IL5RA: variants seen among roughly 807,000 people sequenced by gnomAD.
IL5RA encodes interleukin-5 receptor subunit alpha.
A neutral mutation model predicts 50.0 loss-of-function variants in IL5RA; 49 were observed. The observed-to-expected ratio is 0.98, with a 90% confidence interval of 0.78 to 1.24. The LOEUF (loss-of-function observed/expected upper bound fraction) is 1.24. IL5RA is among the 50% of genes most tolerant of loss of function. The pLI, the probability that IL5RA is intolerant of heterozygous loss-of-function variation, is 0.00. For missense variants in IL5RA, 600 were observed against 500.4 expected, an observed-to-expected ratio of 1.20 and a Z score of -1.90; for synonymous variants, 202 against 174.0, an observed-to-expected ratio of 1.16 and a Z score of -1.26.
intron 9 of IL5RA, chr3:3,091,676 A>G (rs4054764): frequency 0.092 from 13,949 of 152,438 alleles, 893 homozygotes; most frequent in East Asian, 0.27. Context: ...AGGTTGCAGT[A>G]AGCTGAGATG....
chr3:3,075,090 G>T (rs539647332), intron 10 of IL5RA, among the ~76,000 whole-genome samples: 1 of 151,960 alleles, frequency 6.6e-6, no homozygotes, highest in East Asian at 1.9e-4. Context: ...AAACTGCTTT[G>T]TGTCAGTGGG....
intron 9 of IL5RA, chr3:3,090,220 A>G (rs1412686789): frequency 1.4e-5 from 23 of 1,610,332 alleles, no homozygotes; most frequent in Non-Finnish European, 2.0e-5. Flanking sequence ...GGTGTGGGGC[A>G]GGAAAGCTGG....
At chr3:3,076,967 C>T (rs779009775) in intron 9 of IL5RA, among the ~76,000 whole-genome samples, 1 of 152,070 alleles carries the variant, frequency 6.6e-6, no homozygotes, top group Non-Finnish European at 1.5e-5. Context: ...GTTTTTGGTA[C>T]GTAGTAAGGT....
rs1364830802 is a variant in IL5RA at position 3,067,052 on chromosome 3, C to T, written c.*3173G>A. 1.3e-5 allele frequency: 2 copies of T among 152,270 alleles called. No homozygotes were observed. Among genetic ancestry groups the T allele is most frequent in the Non-Finnish European group, 2.9e-5 (2 of 68,076 alleles). The allele number at this position is 152,270 out of a possible 1,614,324, so 9.4% of individuals were successfully genotyped here. A position where few individuals can be genotyped will look rare whatever the true frequency, so the allele number is the denominator to read the frequency against. On this transcript the variant is annotated 3_prime_UTR_variant, in exon 12 of 12. Transcript: ENST00000446632. ...CATGACTTTACCTTACATCAACCTGCTGCTGATGGTGTTTACTGTTAAGTG... is the reference window on the plus strand; with the variant it reads ...CATGACTTTACCTTACATCAACCTGTTGCTGATGGTGTTTACTGTTAAGTG...
rs1179288223 is a variant in IL5RA, at chr3:3,097,909, TAGC to T, written c.667_669del (p.Ala223del). On this transcript the variant is annotated inframe_deletion, in exon 7 of 12. Transcript: ENST00000446632. ...GCAAACAGCTGATCAAAGGGCCTGA[TAGC>T]AGAGTGCTTGCTGGAGCCGTTAACA... The T allele has an allele frequency of 6.2e-7, 1 of 1,614,090 alleles. No homozygotes were observed. The highest frequency in any genetic ancestry group is 8.5e-7 in the Non-Finnish European group (1 of 1,180,038).
At chr3:3,082,267 G>A (rs1328209627) in intron 9 of IL5RA, among the ~76,000 whole-genome samples, 2 of 152,000 alleles carry the variant, frequency 1.3e-5, no homozygotes, top group Non-Finnish European at 2.9e-5. Flanking sequence ...CAACCTTGGA[G>A]ATTAAAAAAA....
Position 3,093,341 on chromosome 3 carries a change from G to C in IL5RA, c.856-979C>G, listed in dbSNP as rs555478294. Among the ~76,000 whole-genome samples the C allele has an allele frequency of 2.3e-4, 35 of 152,234 alleles. No homozygotes were observed. In the South Asian group the frequency reaches 7.1e-3, roughly 31 times the overall value. Reference sequence around the variant, plus strand: ...GCAAGTCAGGAACTATTTATTACTGGCTTGTGATGGGCTAAATACAGATAA... The same window carrying C: ...GCAAGTCAGGAACTATTTATTACTGCCTTGTGATGGGCTAAATACAGATAA... On this transcript the variant is annotated intron_variant, in intron 8 of 11. Coordinates refer to ENST00000446632, the MANE Select transcript of IL5RA (RefSeq NM_175726.4).
intron 9 of IL5RA, among the ~76,000 whole-genome samples, chr3:3,087,557 T>C (rs1702920716): frequency 6.6e-6 from 1 of 152,166 alleles, no homozygotes; most frequent in South Asian, 2.1e-4. Context: ...AATTGTATAT[T>C]AATAGCCACT....
intron 9 of IL5RA, chr3:3,090,337 A>G (rs1326411272): frequency 1.9e-5 from 19 of 997,510 alleles, no homozygotes; most frequent in South Asian, 4.6e-5. Flanking sequence ...TGGGCTTTCT[A>G]TGTAAGGCTC....
chr3:3,108,049 C>T (rs997155300), intron 2 of IL5RA, among the ~76,000 whole-genome samples: 3 of 152,136 alleles, frequency 2.0e-5, no homozygotes, highest in South Asian at 4.1e-4. Context: ...CCAGACTCAA[C>T]CTTAGTGGCA....
intron 7 of IL5RA, among the ~76,000 whole-genome samples, chr3:3,096,061 G>A (rs1207899141): frequency 6.6e-6 from 1 of 152,060 alleles, no homozygotes; most frequent in African/African-American, 2.4e-5. Flanking sequence ...GGTGGATCAC[G>A]AGGTCAGGAG....
At chr3:3,103,695 A>C (rs1018280586) in intron 3 of IL5RA, among the ~76,000 whole-genome samples, 1 of 152,238 alleles carries the variant, frequency 6.6e-6, no homozygotes, top group Admixed American at 6.5e-5. Context: ...TTATTGAAGA[A>C]ATTTTGGAAA....
intron 9 of IL5RA, among the ~76,000 whole-genome samples, chr3:3,087,567 T>G (rs1205137635): frequency 6.6e-6 from 1 of 152,220 alleles, no homozygotes; most frequent in Non-Finnish European, 1.5e-5. Context: ...TAATAGCCAC[T>G]TCTTGGCTGT....
chr3:3,096,836 A>G (rs1220484441), intron 7 of IL5RA, among the ~76,000 whole-genome samples: 3 of 152,208 alleles, frequency 2.0e-5, no homozygotes, highest in Non-Finnish European at 4.4e-5. Flanking sequence ...CATACCTTCT[A>G]AATAATATTG....
chr3:3,080,430 G>A (rs1438740719), intron 9 of IL5RA, among the ~76,000 whole-genome samples: 1 of 152,124 alleles, frequency 6.6e-6, no homozygotes, highest in East Asian at 1.9e-4. Flanking sequence ...GCAAAACTGA[G>A]GGCACACTGA....
chr3:3,104,765 C>G (rs1414339503), intron 3 of IL5RA, 138 bp downstream of exon 3: 1 of 498,022 alleles, frequency 2.0e-6, no homozygotes, highest in Non-Finnish European at 3.6e-6. Context: ...AAGCATCTGT[C>G]TTCTGATGGG....
intron 9 of IL5RA, chr3:3,090,287 G>T (rs752541707): frequency 1.4e-6 from 2 of 1,460,460 alleles, no homozygotes; most frequent in Non-Finnish European, 1.9e-6. Flanking sequence ...ATTTGTCTGG[G>T]GATACACAAT....
In IL5RA at chr3:3,098,064, T is replaced by C; in HGVS notation, c.522-7A>G. The C allele has an allele frequency of 6.2e-7, 1 of 1,614,132 alleles. No individual in the cohort carries two copies. The highest frequency in any genetic ancestry group is 8.5e-7 in the Non-Finnish European group (1 of 1,180,006). On this transcript the variant is annotated splice_region_variant and splice_polypyrimidine_tract_variant and intron_variant, in intron 6 of 11. Transcript: ENST00000446632. ...TTCAGTCCAAGAGCCATACCTAAAT[T>C]GGAACATTTACGAGTGTTATGAGGT...
chr3:3,101,730 G>A lies in IL5RA; in HGVS notation c.329C>T (p.Ala110Val). 1 of 1,614,080 alleles carries A rather than the reference G, an allele frequency of 6.2e-7. No homozygotes were observed. The highest frequency in any genetic ancestry group is 8.5e-7 in the Non-Finnish European group (1 of 1,179,950). Residue 110 changes from alanine (A) to valine (V), a missense_variant, in exon 5 of 12, where the codon GCC becomes GTC. Transcript: ENST00000446632. ...TILQNDHSLL[A>V]SSWASAELHA... ...AAGTTCAGCAGAAGCCCAGCTGCTG[G>A]CCAGTAGTGAGTGGTCGTTCTGCAG...
Sources: allele counts gnomAD v4.1 joint callset (sites outside exome capture counted in the v4.1 genomes callset), GRCh38; gene constraint gnomAD v4.1.1; transcripts MANE v1.5; gene names NCBI Gene and HGNC (gene_info 2026-07-23, HGNC 2026-07-21).